LRP1B: variants seen among roughly 807,000 people sequenced by gnomAD.
The protein encoded by LRP1B is LDL receptor related protein 1B.
A neutral mutation model predicts 556.6 loss-of-function variants in LRP1B; 217 were observed. The observed-to-expected ratio is 0.39, with a 90% CI of 0.35 to 0.44. The LOEUF (loss-of-function observed/expected upper bound fraction) is 0.44, where lower values mean the gene tolerates loss of function less well. LRP1B is among the 20% of genes least tolerant of loss of function. The pLI, the probability that LRP1B is intolerant of heterozygous loss-of-function variation, is 1.00. For synonymous variants in LRP1B, 2,047 were observed against 1,865.8 expected, an observed-to-expected ratio of 1.10 and a Z score of -2.50; for missense variants, 5,053 against 5,620.8, an observed-to-expected ratio of 0.90 and a Z score of 3.23.
intron 3 of LRP1B, among the ~76,000 whole-genome samples, chr2:141,331,536 CTTTCT>C (rs1264207780): frequency 2.1e-4 from 18 of 87,154 alleles, no homozygotes; most frequent in African/African-American, 9.2e-4. Context: ...TTCTTTCTTT[CTTTCT>C]TTCTTTCTTT....
At chr2:140,676,497 TAAGACTGC>T (rs1186246995) in intron 41 of LRP1B, among the ~76,000 whole-genome samples, 4 of 152,174 alleles carry the variant, frequency 2.6e-5, no homozygotes, top group African/African-American at 4.8e-5. Flanking sequence ...GATTATCCCA[TAAGACTGC>T]AAGGCATGCA....
chr2:141,708,559 C>A (rs1424910146), intron 2 of LRP1B, among the ~76,000 whole-genome samples: 2 of 152,164 alleles, frequency 1.3e-5, no homozygotes, highest in African/African-American at 4.8e-5. Flanking sequence ...TTTCCCCAAA[C>A]TTCCAACAAT....
chr2:141,521,621 G>T (rs1389835746), intron 2 of LRP1B, among the ~76,000 whole-genome samples: 1 of 151,532 alleles, frequency 6.6e-6, no homozygotes, highest in Non-Finnish European at 1.5e-5. Context: ...ATCATATATA[G>T]TTATATATGT....
intron 1 of LRP1B, among the ~76,000 whole-genome samples, chr2:142,127,900 C>A (rs774218984): frequency 1.3e-5 from 2 of 151,968 alleles, no homozygotes; most frequent in Non-Finnish European, 2.9e-5. Context: ...AAGTTTTAAT[C>A]CTTATCAAGC....
At chr2:140,589,244 T>A (rs1462022062) in intron 43 of LRP1B, among the ~76,000 whole-genome samples, 1 of 151,938 alleles carries the variant, frequency 6.6e-6, no homozygotes, top group Non-Finnish European at 1.5e-5. Context: ...GTGAAAAGAA[T>A]GGAAAAACAA....
At chr2:141,074,597 ATATATATATGTTTTT>A (rs1487770358) in intron 7 of LRP1B, among the ~76,000 whole-genome samples, 1 of 126,268 alleles carries the variant, frequency 7.9e-6, no homozygotes, top group Non-Finnish European at 1.7e-5. Context: ...CTCTATATAT[ATATATATATGTTTTT>A]TATATATATA....
chr2:142,097,962 C>G (rs528191497), intron 1 of LRP1B, among the ~76,000 whole-genome samples: 1 of 151,772 alleles, frequency 6.6e-6, no homozygotes, highest in South Asian at 2.1e-4. Context: ...TCTTACAAGT[C>G]TCCTCTGAAA....
At chr2:140,779,619 C>T (rs1212792942) in intron 32 of LRP1B, among the ~76,000 whole-genome samples, 2 of 145,282 alleles carry the variant, frequency 1.4e-5, no homozygotes, top group Non-Finnish European at 3.0e-5. Flanking sequence ...CACTTGAACC[C>T]GGGAGTCAGA....
At chr2:141,183,059 T>A (rs942639893) in intron 7 of LRP1B, among the ~76,000 whole-genome samples, 3 of 151,966 alleles carry the variant, frequency 2.0e-5, no homozygotes, top group Non-Finnish European at 2.9e-5. Context: ...ACCGTCTCAG[T>A]CCTCAAAGTG....
At chr2:141,927,252 C>G (rs995180736) in intron 1 of LRP1B, among the ~76,000 whole-genome samples, 1 of 152,080 alleles carries the variant, frequency 6.6e-6, no homozygotes, top group African/African-American at 2.4e-5. Context: ...TATAAACAGT[C>G]ATATACCATA....
intron 1 of LRP1B, among the ~76,000 whole-genome samples, chr2:141,926,214 C>T (rs1387852335): frequency 6.6e-6 from 1 of 152,106 alleles, no homozygotes; most frequent in Non-Finnish European, 1.5e-5. Context: ...CAAAGAAATA[C>T]TACTGATCCT....
At chr2:140,616,570 G>T (rs1683264501) in intron 41 of LRP1B, among the ~76,000 whole-genome samples, 1 of 149,766 alleles carries the variant, frequency 6.7e-6, no homozygotes, top group African/African-American at 2.5e-5. Flanking sequence ...ATTTGGTACT[G>T]CACATACTAA....
chr2:140,836,956 C>T (rs1272714889), intron 31 of LRP1B, among the ~76,000 whole-genome samples: 1 of 152,126 alleles, frequency 6.6e-6, no homozygotes, highest in Non-Finnish European at 1.5e-5. Context: ...TTTGTATAAA[C>T]ATTTGGTCAT....
chr2:140,481,582 TTATTA>T (rs1688244289), intron 59 of LRP1B, among the ~76,000 whole-genome samples: 3 of 97,658 alleles, frequency 3.1e-5, no homozygotes. Flanking sequence ...GCCATCTTTA[TTATTA>T]TTATTATTAT....
At chr2:140,630,333 C>T (rs1325374325) in intron 41 of LRP1B, among the ~76,000 whole-genome samples, 1 of 152,174 alleles carries the variant, frequency 6.6e-6, no homozygotes, top group East Asian at 1.9e-4. Flanking sequence ...AGCTTAAAAG[C>T]CATCACTCCA....
At chr2:141,654,241 T>C (rs1689912846) in intron 2 of LRP1B, among the ~76,000 whole-genome samples, 1 of 152,204 alleles carries the variant, frequency 6.6e-6, no homozygotes, top group African/African-American at 2.4e-5. Flanking sequence ...TTTCTCAAAC[T>C]GATTATGTAT....
intron 68 of LRP1B, among the ~76,000 whole-genome samples, chr2:140,374,150 G>A (rs1683116249): frequency 6.6e-6 from 1 of 152,172 alleles, no homozygotes; most frequent in Non-Finnish European, 1.5e-5. Context: ...AAATGAAATG[G>A]AGTCACTAGA....
intron 50 of LRP1B, 84 bp from the exon 51 acceptor site, chr2:140,514,856 C>G (rs1574027218): frequency 7.9e-7 from 1 of 1,272,276 alleles, no homozygotes; most frequent in Non-Finnish European, 1.0e-6. Flanking sequence ...CTTTCTTAGA[C>G]TTTGCTAAAA....
intron 2 of LRP1B, among the ~76,000 whole-genome samples, chr2:141,676,738 T>C (rs936294223): frequency 3.9e-5 from 6 of 152,148 alleles, no homozygotes. Flanking sequence ...AAACTTTCCC[T>C]TAGAGTATTC....
Sources: allele counts gnomAD v4.1 joint callset (sites outside exome capture counted in the v4.1 genomes callset), GRCh38; gene constraint gnomAD v4.1.1; transcripts MANE v1.5; gene names NCBI Gene and HGNC (gene_info 2026-07-23, HGNC 2026-07-21).